RS1: variants seen among roughly 807,000 people sequenced by gnomAD.
RS1 encodes retinoschisin.
Under a neutral mutation model 20.8 loss-of-function variants are expected in RS1, and 2 were observed. The ratio of observed to expected loss-of-function variants is 0.10; its 90% confidence interval spans 0.04 to 0.30. The LOEUF (loss-of-function observed/expected upper bound fraction) is 0.30, where lower values mean the gene tolerates loss of function less well. Among genes scored for constraint, RS1 ranks in the 10% least tolerant of loss-of-function variants. RS1 has a pLI of 1.00. For synonymous variants in RS1, 70 were observed against 75.8 expected (o/e 0.92, Z 0.40); for missense variants, 151 against 189.8 (o/e 0.80, Z 1.20).
At chrX:18,646,918 TA>T (rs1232436702) in intron 4 of RS1, among the ~76,000 whole-genome samples, 2 of 111,274 alleles carry the variant, frequency 1.8e-5, no homozygotes, top group Non-Finnish European at 1.9e-5. Context: ...GAGAGGCCTA[TA>T]TTTTTTTTCA....
At chrX:18,658,703 T>C (rs1928262029) in intron 1 of RS1, among the ~76,000 whole-genome samples, 1 of 110,631 alleles carries the variant, frequency 9.0e-6, no homozygotes, top group African/African-American at 3.3e-5. Context: ...GTGATACTCC[T>C]GCCTTGGCCT....
In RS1 at chrX:18,653,433, G is replaced by T. The variant is rs775556155; in HGVS notation, c.184+3220C>A. ...CCGCTGTCCTTCTGTGCTTTCCAGG[G>T]TTCTCTTTCTTCGTGAGACACGTTA... On this transcript the variant is annotated intron_variant, in intron 3 of 5. Coordinates refer to ENST00000379984, the MANE Select transcript of RS1 (RefSeq NM_000330.4). 2 of 1,209,123 alleles carry T rather than the reference G, an allele frequency of 1.7e-6. No individual in the cohort carries two copies. The highest frequency in any genetic ancestry group is 3.0e-5 in the East Asian group (1 of 33,721).
chrX:18,647,439 A>G (rs934749915), intron 3 of RS1, 107 bp from the exon 4 acceptor site: 1 of 856,909 alleles, frequency 1.2e-6, no homozygotes, highest in African/African-American at 2.0e-5. Flanking sequence ...TCGGAGACGG[A>G]GAAGGCTTTA....
intron 1 of RS1, among the ~76,000 whole-genome samples, chrX:18,665,158 T>G (rs1441215742): frequency 8.9e-6 from 1 of 112,025 alleles, no homozygotes; most frequent in Non-Finnish European, 1.9e-5. Context: ...TCCATCCCAC[T>G]GCCTGCTTTG....
chrX:18,666,674 C>T (rs4825232), intron 1 of RS1, among the ~76,000 whole-genome samples: 24,238 of 110,333 alleles, frequency 0.22, 2,231 homozygotes, highest in East Asian at 0.56. Context: ...TGCAGTCATC[C>T]GAGGGAGAGA....
chrX:18,639,990 G>A lies in RS1; in HGVS notation c.*2014C>T, dbSNP rs1024074681. 2 of 111,796 alleles carry A rather than the reference G, an allele frequency of 1.8e-5. No homozygotes were observed. The highest frequency in any genetic ancestry group is 6.5e-5 in the African/African-American group (2 of 30,707). The allele number at this position is 111,796 out of a possible 1,213,427, so 9.2% of individuals were successfully genotyped here. ...AGACAGTCGATTCGTGGTTGCAGAG[G>A]GCTTGGGGTGGCCGATGGGTTGGGG... On this transcript the variant is annotated 3_prime_UTR_variant, in exon 6 of 6. Coordinates refer to ENST00000379984, the MANE Select transcript of RS1 (RefSeq NM_000330.4).
intron 1 of RS1, among the ~76,000 whole-genome samples, chrX:18,662,910 AG>A (rs1928339121): frequency 9.0e-6 from 1 of 111,109 alleles, no homozygotes; most frequent in African/African-American, 3.3e-5. Flanking sequence ...TACAGGCGTG[AG>A]CCACTGCACC....
chrX:18,648,092 C>G (rs1030942120), intron 3 of RS1, among the ~76,000 whole-genome samples: 2 of 110,930 alleles, frequency 1.8e-5, no homozygotes, highest in African/African-American at 6.6e-5. Flanking sequence ...ATCCCAGCTA[C>G]TCGGGAGGCT....
Position 18,644,390 on chromosome X carries a change from G to A in RS1, c.522+40C>T. The A allele has an allele frequency of 2.6e-6, 3 of 1,171,484 alleles. No individual in the cohort carries two copies. In the South Asian group the frequency reaches 5.4e-5, roughly 21 times the overall value. ...CGGGGACAGGAGGGGAAGTCCCAGA[G>A]GGTGCGAGCTGAAGTTGGTTTGGGA... On this transcript the variant is annotated intron_variant, in intron 5 of 5. Transcript: ENST00000379984.
chrX:18,662,673 G>C (rs1928333979), intron 1 of RS1, among the ~76,000 whole-genome samples: 1 of 106,361 alleles, frequency 9.4e-6, no homozygotes, highest in Non-Finnish European at 1.9e-5. Flanking sequence ...TGTCGCCCAG[G>C]CTGGAGTGCA....
At chrX:18,670,427 A>G (rs1676791285) in intron 1 of RS1, among the ~76,000 whole-genome samples, 1 of 109,969 alleles carries the variant, frequency 9.1e-6, no homozygotes, top group South Asian at 4.0e-4. Flanking sequence ...GGGTTTCACC[A>G]GGTTGGGCAG....
chrX:18,646,562 C>T (rs1927781447), intron 4 of RS1, among the ~76,000 whole-genome samples: 1 of 112,368 alleles, frequency 8.9e-6, no homozygotes, highest in Admixed American at 9.4e-5. Context: ...CTAATACGCA[C>T]TCAGGGTCCT....
chrX:18,669,864 G>A (rs368176855), intron 1 of RS1, among the ~76,000 whole-genome samples: 1 of 112,313 alleles, frequency 8.9e-6, no homozygotes, highest in African/African-American at 3.2e-5. Context: ...TTCCTTTCAA[G>A]TGCTGTTAAA....
chrX:18,662,451 G>A (rs913411514), intron 1 of RS1, among the ~76,000 whole-genome samples: 3 of 109,844 alleles, frequency 2.7e-5, no homozygotes, highest in South Asian at 3.9e-4. Flanking sequence ...ATCCCTCCCC[G>A]CTCCCCCACC....
At position 18,641,906 on chromosome X, in the gene RS1, G is replaced by A. The variant is rs1191252902; in HGVS notation, c.*98C>T. The A allele has an allele frequency of 4.2e-5, 41 of 980,625 alleles. No individual in the cohort carries two copies. Among genetic ancestry groups the A allele is most frequent in the South Asian group, 9.7e-5 (5 of 51,406 alleles). 80.8% of individuals were successfully genotyped at this position (980,625 alleles called of 1,213,427 possible). ...AGCACTGCAGTTACAATTGCTTTGC[G>A]AAATATAGCCCTGTCCATCTCGGTG... is the stretch of plus-strand genomic sequence containing the variant. On this transcript the variant is annotated 3_prime_UTR_variant, in exon 6 of 6. Coordinates refer to ENST00000379984, the MANE Select transcript of RS1 (RefSeq NM_000330.4).
chrX:18,650,945 G>A (rs777198671), intron 3 of RS1, among the ~76,000 whole-genome samples: 2 of 112,290 alleles, frequency 1.8e-5, no homozygotes, highest in South Asian at 3.7e-4. Flanking sequence ...TGTAGAGTTC[G>A]TAGAGCACAG....
intron 3 of RS1, 125 bp downstream of exon 3, chrX:18,656,528 A>G (rs1928217419): frequency 3.4e-6 from 2 of 580,150 alleles, no homozygotes; most frequent in East Asian, 6.5e-5. Flanking sequence ...ACACACAGCT[A>G]CCACTCATCT....
At chrX:18,665,467 AG>A (rs1476884442) in intron 1 of RS1, among the ~76,000 whole-genome samples, 1 of 111,591 alleles carries the variant, frequency 9.0e-6, no homozygotes, top group Non-Finnish European at 1.9e-5. Flanking sequence ...CTGCTCGCCA[AG>A]CCACAAATGT....
At chrX:18,656,509 G>C (rs763230929) in intron 3 of RS1, 144 bp downstream of exon 3, 38 of 550,739 alleles carry the variant, frequency 6.9e-5, no homozygotes, top group Non-Finnish European at 1.2e-4. Context: ...GTAATAAATA[G>C]TAATAAATAC....
Sources: allele counts gnomAD v4.1 joint callset (sites outside exome capture counted in the v4.1 genomes callset), GRCh38; gene constraint gnomAD v4.1.1; transcripts MANE v1.5; gene names NCBI Gene and HGNC (gene_info 2026-07-23, HGNC 2026-07-21).